The following RIN2 variants were observed in gnomAD, a reference collection of about 807,000 sequenced individuals.
The protein encoded by RIN2 is Ras and Rab interactor 2.
A neutral mutation model predicts 78.0 loss-of-function variants in RIN2; 36 were observed. That is an observed-to-expected ratio of 0.46 (90% CI 0.35 to 0.61). RIN2 has a LOEUF of 0.61. Ranked by LOEUF, RIN2 falls within the 20% of genes least tolerant of loss-of-function variation. The pLI is 0.00. For missense variants in RIN2, 1,087 were observed against 1,159.7 expected, an observed-to-expected ratio of 0.94 and a Z score of 0.91; for synonymous variants, 466 against 466.8, an observed-to-expected ratio of 1.00 and a Z score of 0.02.
At chr20:19,926,656 A>C (rs764654052) in intron 3 of RIN2, among the ~76,000 whole-genome samples, 25 of 152,134 alleles carry the variant, frequency 1.6e-4, no homozygotes, top group Non-Finnish European at 3.7e-4. Context: ...TTCCCGGATT[A>C]TAAATGCTTA....
intron 4 of RIN2, chr20:19,935,410 T>G (rs1158706778): frequency 7.7e-7 from 1 of 1,304,908 alleles, no homozygotes; most frequent in African/African-American, 1.5e-5. Context: ...ACTTGAACTT[T>G]ATACTCTCTC....
At chr20:19,988,574 T>C (rs1327639384) in intron 9 of RIN2, among the ~76,000 whole-genome samples, 1 of 152,180 alleles carries the variant, frequency 6.6e-6, no homozygotes, top group African/African-American at 2.4e-5. Flanking sequence ...AAAGCTGCTA[T>C]TGACAAAGCA....
At chr20:19,768,472 G>T (rs578258144) in intron 1 of RIN2, among the ~76,000 whole-genome samples, 3 of 152,318 alleles carry the variant, frequency 2.0e-5, no homozygotes, top group South Asian at 4.1e-4. Flanking sequence ...CTCTGCATGC[G>T]GGCAAAGCGA....
chr20:19,899,001 T>C (rs1010172146), intron 3 of RIN2, among the ~76,000 whole-genome samples: 1 of 152,208 alleles, frequency 6.6e-6, no homozygotes, highest in African/African-American at 2.4e-5. Flanking sequence ...TTCATAGCAC[T>C]AAACACTTTT....
At chr20:19,851,057 A>AAGGAAGG (rs1568815198) in intron 2 of RIN2, among the ~76,000 whole-genome samples, 6 of 132,510 alleles carry the variant, frequency 4.5e-5, no homozygotes, top group Non-Finnish European at 7.8e-5. Flanking sequence ...AAGGAGAAAG[A>AAGGAAGG]AAGGAAGGAA....
At chr20:19,947,557 T>C (rs563456772) in intron 4 of RIN2, among the ~76,000 whole-genome samples, 12 of 152,348 alleles carry the variant, frequency 7.9e-5, no homozygotes, top group African/African-American at 2.2e-4. Flanking sequence ...GTTGTTTTTG[T>C]TTATTGATAA....
chr20:19,799,796 T>G (rs890104379), intron 2 of RIN2, 49 bp downstream of exon 2: 1 of 152,176 alleles, frequency 6.6e-6, no homozygotes, highest in African/African-American at 2.4e-5. Flanking sequence ...CCCAGCGTTT[T>G]CTTCATTTCC....
At chr20:19,784,756 G>A (rs564570315) in intron 1 of RIN2, among the ~76,000 whole-genome samples, 1 of 152,218 alleles carries the variant, frequency 6.6e-6, no homozygotes, top group East Asian at 1.9e-4. Flanking sequence ...AGTGGAGAAG[G>A]GCAGGAGTGT....
intron 10 of RIN2, among the ~76,000 whole-genome samples, 161 bp downstream of exon 10, chr20:19,990,472 C>T (rs1248848798): frequency 6.6e-6 from 1 of 152,122 alleles, no homozygotes. Context: ...ATATCCGGCA[C>T]ATTAGTCACA....
At chr20:19,871,377 G>A (rs1212547707) in intron 2 of RIN2, among the ~76,000 whole-genome samples, 1 of 152,192 alleles carries the variant, frequency 6.6e-6, no homozygotes, top group Non-Finnish European at 1.5e-5. Context: ...AGACCACCCT[G>A]AGCAACAAAT....
chr20:19,935,723 G>A (rs1331373674), intron 4 of RIN2: 1 of 573,238 alleles, frequency 1.7e-6, no homozygotes, highest in Non-Finnish European at 2.2e-6. Context: ...GTGCTGTGCT[G>A]TTGAAGGCGA....
chr20:19,806,694 T>G (rs1467677683), intron 2 of RIN2, among the ~76,000 whole-genome samples: 1 of 152,086 alleles, frequency 6.6e-6, no homozygotes, highest in Non-Finnish European at 1.5e-5. Context: ...CACAGAAGTT[T>G]GAGATCAGCC....
chr20:19,817,725 G>A lies in RIN2; in HGVS notation c.-37+17978G>A, dbSNP rs751976858. 4.1e-4 allele frequency among the ~76,000 whole-genome samples: 63 copies of A among 152,128 alleles called. 3 individuals are homozygous for A. The highest frequency in any genetic ancestry group is 3.5e-4 in the Non-Finnish European group (24 of 68,006). On this transcript the variant is annotated intron_variant, in intron 2 of 12. Coordinates refer to ENST00000255006, the MANE Select transcript of RIN2 (RefSeq NM_018993.4). ...ATAAAATCAATGAATCAAAAAGAAA[G>A]ACACTGATGCCCACTGAGGTTCAAT...
At chr20:19,823,608 A>G in intron 2 of RIN2, 1 of 1,538,872 alleles carries the variant, frequency 6.5e-7, no homozygotes, top group Non-Finnish European at 8.9e-7. Flanking sequence ...TCTGTCGAGC[A>G]ATGTTGACGA....
chr20:19,968,265 C>T (rs2041999475), intron 7 of RIN2, among the ~76,000 whole-genome samples: 1 of 152,188 alleles, frequency 6.6e-6, no homozygotes. Context: ...TGATCTTTGT[C>T]CCCTCCCCTT....
chr20:19,992,743 G>T (rs549799393), intron 11 of RIN2, among the ~76,000 whole-genome samples: 16 of 151,944 alleles, frequency 1.1e-4, no homozygotes, highest in African/African-American at 2.2e-4. Flanking sequence ...CATTTTTTTT[G>T]GAAGAAATGG....
chr20:19,994,828 A>G (rs1328674427), intron 11 of RIN2, among the ~76,000 whole-genome samples: 4 of 152,220 alleles, frequency 2.6e-5, no homozygotes, highest in African/African-American at 9.6e-5. Context: ...GTAAAGATCA[A>G]CAATTCAAAA....
At chr20:19,919,972 C>T (rs1434721653) in intron 3 of RIN2, among the ~76,000 whole-genome samples, 1 of 152,018 alleles carries the variant, frequency 6.6e-6, no homozygotes, top group Non-Finnish European at 1.5e-5. Context: ...CTGGGGCTGC[C>T]GAAAGCCTTA....
At chr20:19,795,497 G>A (rs540215860) in intron 1 of RIN2, among the ~76,000 whole-genome samples, 2 of 152,226 alleles carry the variant, frequency 1.3e-5, no homozygotes, top group South Asian at 4.1e-4. Context: ...TGCTACTGAA[G>A]CAATATTAAT....
Sources: gnomAD v4.1 joint callset for allele counts (sites outside exome capture counted in the v4.1 genomes callset) on GRCh38, gnomAD v4.1.1 for gene constraint, MANE v1.5 for transcripts, NCBI Gene and HGNC (gene_info 2026-07-23, HGNC 2026-07-21) for gene names.